ZBED3: variants seen among roughly 807,000 people sequenced by gnomAD.
The protein encoded by ZBED3 is zinc finger BED-type containing 3.
For synonymous variants in ZBED3, 175 were observed against 180.0 expected (o/e 0.97, Z 0.22); for missense variants, 388 against 362.9 (o/e 1.07, Z -0.56).
rs144781429 is a variant in ZBED3, at chr5:77,078,248, TTAA to T, written c.-18+343_-18+345del. Among the ~76,000 whole-genome samples, 1,440 of 152,000 alleles carry T rather than the reference TTAA, an allele frequency of 9.5e-3. 22 individuals are homozygous for T. The highest frequency in any genetic ancestry group is 0.033 in the African/African-American group (1,346 of 41,222). ...TTAGCTTTAACTAGTCTCTGCTTTC[TTAA>T]TAACAACAACGACAACAATAAAAAA... On this transcript the variant is annotated intron_variant, in intron 2 of 2. Coordinates refer to ENST00000255198, the MANE Select transcript of ZBED3 (RefSeq NM_032367.4).
chr5:77,084,521 A>T (rs778390708), intron 1 of ZBED3, among the ~76,000 whole-genome samples: 31 of 152,206 alleles, frequency 2.0e-4, no homozygotes, highest in Non-Finnish European at 2.9e-5. Flanking sequence ...CTTTAAGTCC[A>T]TTAAACGTCT....
In ZBED3 at chr5:77,073,369, A is replaced by T. The variant is rs1180194296; in HGVS notation, c.*3805T>A. The T allele has an allele frequency of 6.6e-6, 1 of 152,192 alleles. No homozygotes were observed. Among genetic ancestry groups the T allele is most frequent in the Non-Finnish European group, 1.5e-5 (1 of 68,042 alleles). The allele number at this position is 152,192 out of a possible 1,614,324, so 9.4% of individuals were successfully genotyped here. On this transcript the variant is annotated 3_prime_UTR_variant, in exon 3 of 3. Coordinates refer to ENST00000255198, the MANE Select transcript of ZBED3 (RefSeq NM_032367.4). ...TCCTTCTAAAAAGGAAATTCAGATC[A>T]TCTAGCCCAATTTATAAATCCATAT...
At chr5:77,081,032 G>T (rs758284742) in intron 1 of ZBED3, among the ~76,000 whole-genome samples, 1 of 152,096 alleles carries the variant, frequency 6.6e-6, no homozygotes, top group Non-Finnish European at 1.5e-5. Flanking sequence ...CACACAAAGA[G>T]CTCTTCAAAC....
At chr5:77,083,250 T>C (rs1387469924) in intron 1 of ZBED3, among the ~76,000 whole-genome samples, 1 of 152,196 alleles carries the variant, frequency 6.6e-6, no homozygotes, top group Non-Finnish European at 1.5e-5. Flanking sequence ...GACAGTCCCA[T>C]GGGGAAGCCC....
chr5:77,083,085 C>T (rs1413569767), intron 1 of ZBED3, among the ~76,000 whole-genome samples: 2 of 152,010 alleles, frequency 1.3e-5, no homozygotes, highest in Non-Finnish European at 2.9e-5. Context: ...TGCAGTGAGC[C>T]GAGATTGCAC....
rs564231787 is a variant in ZBED3 at position 77,072,688 on chromosome 5, A to G, written c.*4486T>C. 2.6e-5 allele frequency: 4 copies of G among 152,318 alleles called. No individual in the cohort carries two copies. In the South Asian group the frequency reaches 6.2e-4, roughly 24 times the overall value. The allele number at this position is 152,318 out of a possible 1,614,324, so 9.4% of individuals were successfully genotyped here. ...AGGTCATTTGGCAACTATTTGATAG[A>G]AAAATATTTAATAGTATTTATCAGA... On this transcript the variant is annotated 3_prime_UTR_variant, in exon 3 of 3. Coordinates refer to ENST00000255198, the MANE Select transcript of ZBED3 (RefSeq NM_032367.4).
At chr5:77,078,243 C>T (rs1419438358) in intron 2 of ZBED3, among the ~76,000 whole-genome samples, 2 of 151,734 alleles carry the variant, frequency 1.3e-5, no homozygotes, top group African/African-American at 4.9e-5. Context: ...CTAGTCTCTG[C>T]TTTCTTAATA....
At position 77,077,111 on chromosome 5, in the gene ZBED3, G is replaced by A; in HGVS notation, c.*63C>T. On this transcript the variant is annotated 3_prime_UTR_variant, in exon 3 of 3. Transcript: ENST00000255198. Reference sequence around the variant, plus strand: ...TCGGTTACGGCTTCGGTCCCAGCGGGGTCTGAAGGCATTGGCATTGGACGG... The same window carrying A: ...TCGGTTACGGCTTCGGTCCCAGCGGAGTCTGAAGGCATTGGCATTGGACGG... The A allele has an allele frequency of 8.2e-7, 1 of 1,226,502 alleles. No individual in the cohort carries two copies. The highest frequency in any genetic ancestry group is 1.0e-6 in the Non-Finnish European group (1 of 958,566). 76.0% of individuals were successfully genotyped at this position (1,226,502 alleles called of 1,614,324 possible).
In ZBED3 at chr5:77,077,743, A is replaced by G. The variant is rs774283853; in HGVS notation, c.136T>C (p.Ser46Pro). Residue 46 changes from serine (S) to proline (P), a missense_variant, in exon 3 of 3, where the codon TCC becomes CCC. Transcript: ENST00000255198. ...TPPGRLGAPY[S>P]EAWGYFHLAP... Reference sequence around the variant, plus strand: ...AGGTGGAAGTAGCCCCAGGCCTCGGAGTATGGCGCCCCCAGGCGGCCGGGA... The same window carrying G: ...AGGTGGAAGTAGCCCCAGGCCTCGGGGTATGGCGCCCCCAGGCGGCCGGGA... 3.7e-6 allele frequency: 5 copies of G among 1,333,766 alleles called. No individual in the cohort carries two copies. Among genetic ancestry groups the G allele is most frequent in the Non-Finnish European group, 3.8e-6 (4 of 1,045,358 alleles). 82.6% of individuals were successfully genotyped at this position (1,333,766 alleles called of 1,614,324 possible).
chr5:77,080,246 T>A (rs1257662711), intron 1 of ZBED3, among the ~76,000 whole-genome samples: 1 of 152,246 alleles, frequency 6.6e-6, no homozygotes, highest in Non-Finnish European at 1.5e-5. Flanking sequence ...CAGAGGTGAC[T>A]GATTACTGTC....
intron 1 of ZBED3, among the ~76,000 whole-genome samples, chr5:77,084,214 T>C (rs1480021546): frequency 6.6e-6 from 1 of 152,170 alleles, no homozygotes; most frequent in East Asian, 1.9e-4. Context: ...CAACAATAAT[T>C]CTGATACCTG....
intron 1 of ZBED3, among the ~76,000 whole-genome samples, chr5:77,084,174 C>A (rs1193580299): frequency 6.6e-6 from 1 of 152,176 alleles, no homozygotes; most frequent in African/African-American, 2.4e-5. Flanking sequence ...CCTCAGGAAG[C>A]GTACGGTCTG....
intron 1 of ZBED3, among the ~76,000 whole-genome samples, chr5:77,084,015 AAACT>A (rs1743182409): frequency 1.3e-5 from 2 of 152,198 alleles, no homozygotes; most frequent in African/African-American, 4.8e-5. Context: ...AAAAATTTTT[AAACT>A]AACACAAAGA....
chr5:77,076,083 AAAG>A lies in ZBED3; in HGVS notation c.*1088_*1090del, dbSNP rs1269284325. 6.9e-6 allele frequency: 1 copy of A among 145,710 alleles called. No homozygotes were observed. The highest frequency in any genetic ancestry group is 1.5e-5 in the Non-Finnish European group (1 of 66,880). 9.0% of individuals were successfully genotyped at this position (145,710 alleles called of 1,614,324 possible). ...ATATACACACATAAAGAAAAAAAGA[AAAG>A]AAAACTGACCCAGAGTGAGGGAGTA... is the stretch of plus-strand genomic sequence containing the variant. On this transcript the variant is annotated 3_prime_UTR_variant, in exon 3 of 3. Coordinates refer to ENST00000255198, the MANE Select transcript of ZBED3 (RefSeq NM_032367.4).
chr5:77,086,974 A>G (rs1377287594), intron 1 of ZBED3, 137 bp downstream of exon 1: 1 of 152,196 alleles, frequency 6.6e-6, no homozygotes, highest in Non-Finnish European at 1.5e-5. Context: ...CGGCCCGGAG[A>G]AGGGCAGCCC....
At position 77,076,543 on chromosome 5, in the gene ZBED3, T is replaced by G. The variant is rs1743007220; in HGVS notation, c.*631A>C. The G allele has an allele frequency of 6.6e-6, 1 of 151,990 alleles. No homozygotes were observed. Among genetic ancestry groups the G allele is most frequent in the Non-Finnish European group, 1.5e-5 (1 of 68,042 alleles). The allele number at this position is 151,990 out of a possible 1,614,324, so 9.4% of individuals were successfully genotyped here. ...CAGAGTGCACCTGGTATTGGTTGAA[T>G]AATATGGGCAGTAAAAAAGCGGGCT... On this transcript the variant is annotated 3_prime_UTR_variant, in exon 3 of 3. Transcript: ENST00000255198.
Position 77,075,234 on chromosome 5 carries a change from G to C in ZBED3, c.*1940C>G, listed in dbSNP as rs887678290. On this transcript the variant is annotated 3_prime_UTR_variant, in exon 3 of 3. Coordinates refer to ENST00000255198, the MANE Select transcript of ZBED3 (RefSeq NM_032367.4). ...GAAGCAATCAGACACTTCCAGAATAGAGGACATTTGCTAAGACAGCTGGCC... is the reference window on the plus strand; with the variant it reads ...GAAGCAATCAGACACTTCCAGAATACAGGACATTTGCTAAGACAGCTGGCC... The C allele has an allele frequency of 3.9e-5, 6 of 152,232 alleles. No homozygotes were observed. Among genetic ancestry groups the C allele is most frequent in the African/African-American group, 1.4e-4 (6 of 41,458 alleles). The allele number at this position is 152,232 out of a possible 1,614,324, so 9.4% of individuals were successfully genotyped here.
intron 1 of ZBED3, among the ~76,000 whole-genome samples, chr5:77,081,837 C>T (rs998802241): frequency 6.6e-6 from 1 of 152,192 alleles, no homozygotes; most frequent in African/African-American, 2.4e-5. Context: ...AGGTCAGGTG[C>T]GTGCTTTCTG....
intron 1 of ZBED3, among the ~76,000 whole-genome samples, chr5:77,086,467 TTATC>T: frequency 6.6e-6 from 1 of 152,216 alleles, no homozygotes; most frequent in Non-Finnish European, 1.5e-5. Context: ...CTTAAACACC[TTATC>T]TTTGTAGTCT....
Sources: gnomAD v4.1 joint callset for allele counts (sites outside exome capture counted in the v4.1 genomes callset) on GRCh38, gnomAD v4.1.1 for gene constraint, MANE v1.5 for transcripts, NCBI Gene and HGNC (gene_info 2026-07-23, HGNC 2026-07-21) for gene names.